GAMT: variants seen among roughly 807,000 people sequenced by gnomAD.
The protein encoded by GAMT is epididymis secretory protein Li 20.
GAMT carries 26 observed loss-of-function variants against 26.9 expected under a neutral mutation model. The observed-to-expected ratio is 0.97, with a 90% confidence interval of 0.71 to 1.34. GAMT has a LOEUF of 1.34. Among genes scored for constraint, GAMT ranks in the 40% most tolerant of loss-of-function variants. The probability of loss-of-function intolerance (pLI) is 0.00; values close to 1 mark genes in which losing one functional copy is unlikely to be tolerated. For missense variants in GAMT, 412 were observed against 345.0 expected (o/e 1.19, Z -1.54); for synonymous variants, 169 against 149.6 (o/e 1.13, Z -0.95).
Position 1,399,555 on chromosome 19 carries a change from C to T in GAMT, c.360G>A (p.Val120=), listed in dbSNP as rs776439107. 7 of 1,613,204 alleles carry T rather than the reference C, an allele frequency of 4.3e-6. No homozygotes were observed. Among genetic ancestry groups the T allele is most frequent in the Non-Finnish European group, 5.1e-6 (6 of 1,179,836 alleles). ...AGTGACCGTCAGGCAGGGTGGGTGC[C>T]ACATCCTCCCACAGGCCTTTCAAGG... The part of the protein sequence containing the change: ...VIPLKGLWED[V]APTLPDGHFD... The change falls in exon 3 of 6, where the codon GTG becomes GTA. Residue 120 remains valine, a synonymous_variant. Transcript: ENST00000252288. This position sits in a 1 kb window ranked among gnomAD's most constrained non-coding sequence, Gnocchi z 6.2.
Position 1,397,240 on chromosome 19 carries a change from G to T in GAMT, c.*119C>A. On this transcript the variant is annotated 3_prime_UTR_variant, in exon 6 of 6. Coordinates refer to ENST00000252288, the MANE Select transcript of GAMT (RefSeq NM_000156.6). The stretch of plus-strand genomic sequence containing the variant: ...GGCTGGTGGGACCCCTCACAGAGAA[G>T]CCGGGAAAGCTTCTGGTGACACACA... The T allele has an allele frequency of 1.6e-6, 2 of 1,255,548 alleles. No homozygotes were observed. The highest frequency in any genetic ancestry group is 2.2e-6 in the Non-Finnish European group (2 of 904,956). The allele number at this position is 1,255,548 out of a possible 1,614,324, so 77.8% of individuals were successfully genotyped here.
In GAMT at chr19:1,399,540, AGGCAGGGT is replaced by A. The variant is rs2082620753; in HGVS notation, c.367_374del (p.Thr123Ter). 1 of 1,613,088 alleles carries A rather than the reference AGGCAGGGT, an allele frequency of 6.2e-7. No individual in the cohort carries two copies. The highest frequency in any genetic ancestry group is 8.5e-7 in the Non-Finnish European group (1 of 1,179,810). Reference sequence around the variant, plus strand: ...ACCCCTCACCATCAAAGTGACCGTCAGGCAGGGTGGGTGCCACATCCTCCCACAGGCCT... The same window carrying A: ...ACCCCTCACCATCAAAGTGACCGTCAGGGTGCCACATCCTCCCACAGGCCT... On this transcript the variant is annotated frameshift_variant, in exon 3 of 6. Coordinates refer to ENST00000252288, the MANE Select transcript of GAMT (RefSeq NM_000156.6). LOFTEE classifies it high-confidence loss of function. This position sits in a 1 kb window ranked among gnomAD's most constrained non-coding sequence, Gnocchi z 6.2.
At position 1,401,343 on chromosome 19, in the gene GAMT, C is replaced by A. The variant is rs865951519; in HGVS notation, c.134G>T (p.Trp45Leu). The A allele has an allele frequency of 6.5e-7, 1 of 1,538,388 alleles. No homozygotes were observed. The highest frequency in any genetic ancestry group is 2.6e-5 in the East Asian group (1 of 38,412). Residue 45 changes from tryptophan to leucine, a missense_variant, in exon 1 of 6, where the codon TGG becomes TTG. By Grantham distance (61) the Trp-to-Leu change is moderately conservative. Coordinates refer to ENST00000252288, the MANE Select transcript of GAMT (RefSeq NM_000156.6). ...RILGKPVMER[W>L]ETPYMHALAA... Reference sequence around the variant, plus strand: ...CAGCGCGTGCATATAGGGGGTCTCCCAGCGCTCCATCACCGGCTTGCCCAG... The same window carrying A: ...CAGCGCGTGCATATAGGGGGTCTCCAAGCGCTCCATCACCGGCTTGCCCAG...
In GAMT at chr19:1,401,444, C is replaced by T. The variant is rs763777192; in HGVS notation, c.33G>A (p.Ala11=). The change falls in exon 1 of 6, where the codon GCG becomes GCA. Residue 11 remains alanine, a synonymous_variant. Transcript: ENST00000252288. MSAPSATPIF[A]PGENCSPAWG... ...ACGCGGGGCTGCAGTTCTCGCCGGG[C>T]GCGAAGATGGGGGTCGCGCTGGGGG... 30 of 1,407,144 alleles carry T rather than the reference C, an allele frequency of 2.1e-5. No homozygotes were observed. Among genetic ancestry groups the T allele is most frequent in the Non-Finnish European group, 2.7e-5 (29 of 1,080,182 alleles). 87.2% of individuals were successfully genotyped at this position (1,407,144 alleles called of 1,614,324 possible). A position where few individuals can be genotyped will look rare whatever the true frequency, so the allele number is the denominator to read the frequency against.
chr19:1,399,644 C>T lies in GAMT; in HGVS notation c.328-57G>A. On this transcript the variant is annotated intron_variant, in intron 2 of 5. Coordinates refer to ENST00000252288, the MANE Select transcript of GAMT (RefSeq NM_000156.6). This position sits in a 1 kb window ranked among gnomAD's most constrained non-coding sequence, Gnocchi z 6.2. ...GGGTAGAGAGGTCCCCAGGATCTCCCCACCTGCAGAAAGGGAGCGGCCAGG... is the reference window on the plus strand; with the variant it reads ...GGGTAGAGAGGTCCCCAGGATCTCCTCACCTGCAGAAAGGGAGCGGCCAGG... 6.4e-7 allele frequency: 1 copy of T among 1,571,696 alleles called. No homozygotes were observed. The highest frequency in any genetic ancestry group is 8.7e-7 in the Non-Finnish European group (1 of 1,154,386).
chr19:1,399,149 T>A lies in GAMT; in HGVS notation c.438A>T (p.Thr146=), dbSNP rs80338733. 1 of 1,613,748 alleles carries A rather than the reference T, an allele frequency of 6.2e-7. No homozygotes were observed. The highest frequency in any genetic ancestry group is 8.5e-7 in the Non-Finnish European group (1 of 1,179,994). Residue 146 remains threonine, a synonymous_variant, in exon 4 of 6, where the codon ACA becomes ACT. Coordinates refer to ENST00000252288, the MANE Select transcript of GAMT (RefSeq NM_000156.6). The surrounding 1 kb of genome is among the most constrained non-coding windows in gnomAD (Gnocchi z 6.2). ...TYPLSEETWH[T]HQFNFIKNHA... ...CCACCTTGATGAAGTTGAACTGGTG[T>A]GTGTGCCAGGTCTCCTCCGAGAGTG...
In GAMT at chr19:1,401,343, C is replaced by T; in HGVS notation, c.134G>A (p.Trp45Ter). 1.3e-6 allele frequency: 2 copies of T among 1,538,388 alleles called. No homozygotes were observed. The highest frequency in any genetic ancestry group is 8.7e-7 in the Non-Finnish European group (1 of 1,151,466). Residue 45 changes from tryptophan (W) to a stop codon, truncating the protein, a stop_gained, in exon 1 of 6, where the codon TGG (tryptophan) becomes TAG (stop). Coordinates refer to ENST00000252288, the MANE Select transcript of GAMT (RefSeq NM_000156.6). LOFTEE classifies it high-confidence loss of function. The part of the protein sequence containing the change: ...RILGKPVMER[W>*]ETPYMHALAA... ...CAGCGCGTGCATATAGGGGGTCTCCCAGCGCTCCATCACCGGCTTGCCCAG... is the reference window on the plus strand; with the variant it reads ...CAGCGCGTGCATATAGGGGGTCTCCTAGCGCTCCATCACCGGCTTGCCCAG...
chr19:1,401,538 G>C lies in GAMT; in HGVS notation c.-62C>G, dbSNP rs1162301870. ...GCCGCCCGGGCCCGCTCCCTGCAGG[G>C]GCTTGTGGGCCGGGGGCGGGTCCAA... is the stretch of plus-strand genomic sequence containing the variant. On this transcript the variant is annotated 5_prime_UTR_variant, in exon 1 of 6. Transcript: ENST00000252288. 8.7e-7 allele frequency: 1 copy of C among 1,144,458 alleles called. No homozygotes were observed. Among genetic ancestry groups the C allele is most frequent in the Non-Finnish European group, 1.1e-6 (1 of 909,210 alleles). The allele number at this position is 1,144,458 out of a possible 1,614,324, so 70.9% of individuals were successfully genotyped here.
rs891042971 is a variant in GAMT at position 1,398,966 on chromosome 19, A to G, written c.520T>C (p.Trp174Arg). 5.6e-6 allele frequency: 9 copies of G among 1,613,390 alleles called. No homozygotes were observed. Among genetic ancestry groups the G allele is most frequent in the Non-Finnish European group, 7.6e-6 (9 of 1,179,976 alleles). The change falls in exon 5 of 6, where the codon TGG becomes CGG. Residue 174 changes from tryptophan (W) to arginine (R), a missense_variant. By Grantham distance (101) the Trp-to-Arg change is moderately radical. Coordinates refer to ENST00000252288, the MANE Select transcript of GAMT (RefSeq NM_000156.6). ...GVLTYCNLTS[W>R]GELMKSKYSD... ...TACTTGGACTTCATCAGCTCCCCCC[A>G]GGAGGTGAGGTTGCAGTAGGTGAGG...
At position 1,398,319 on chromosome 19, in the gene GAMT, A is replaced by C. The variant is rs143353872; in HGVS notation, c.570+597T>G. The C allele has an allele frequency of 1.9e-3, 351 of 187,892 alleles. 1 individual carries two copies. The highest frequency in any genetic ancestry group is 4.5e-3 in the Middle Eastern group (2 of 448). The allele number at this position is 187,892 out of a possible 1,614,324, so 11.6% of individuals were successfully genotyped here. ...TGCCATGTTGGCCAGGCTAGGCTCA[A>C]ACTCCTGGGCTCAAGTGATCCACCC... On this transcript the variant is annotated intron_variant, in intron 5 of 5. Transcript: ENST00000252288.
rs538244028 is a variant in GAMT at position 1,399,537 on chromosome 19, G to A, written c.378C>T (p.Asp126=). 2.0e-5 allele frequency: 33 copies of A among 1,613,004 alleles called. No individual in the cohort carries two copies. Among genetic ancestry groups the A allele is most frequent in the Admixed American group, 6.7e-5 (4 of 59,950 alleles). Residue 126 remains aspartate, a synonymous_variant, in exon 3 of 6, where the codon GAC becomes GAT. Transcript: ENST00000252288. The surrounding 1 kb of genome is among the most constrained non-coding windows in gnomAD (Gnocchi z 6.2). ...CTCACCCCTCACCATCAAAGTGACC[G>A]TCAGGCAGGGTGGGTGCCACATCCT... ...LWEDVAPTLP[D]GHFDGILYDT...
intron 1 of GAMT, among the ~76,000 whole-genome samples, chr19:1,400,215 GCTGT>G (rs1248437050): frequency 7.0e-6 from 1 of 143,852 alleles, no homozygotes; most frequent in East Asian, 2.0e-4. Context: ...GGCTGGGGAG[GCTGT>G]CTGGAAGAGG....
At position 1,399,981 on chromosome 19, in the gene GAMT, C is replaced by T; in HGVS notation, c.182-43G>A. On this transcript the variant is annotated intron_variant, in intron 1 of 5. Transcript: ENST00000252288. This position sits in a 1 kb window ranked among gnomAD's most constrained non-coding sequence, Gnocchi z 6.2. ...GCCTGGCATCACTAGGTGGGGCGGG[C>T]TTAGGAGGCTGCCTGGAGGAGGGGC... 6.4e-7 allele frequency: 1 copy of T among 1,572,468 alleles called. No individual in the cohort carries two copies. The highest frequency in any genetic ancestry group is 1.2e-5 in the South Asian group (1 of 86,822).
In GAMT at chr19:1,397,486, G is replaced by A. The variant is rs1569003317; in HGVS notation, c.584C>T (p.Pro195Leu). 1.9e-6 allele frequency: 3 copies of A among 1,605,248 alleles called. No homozygotes were observed. Among genetic ancestry groups the A allele is most frequent in the East Asian group, 2.2e-5 (1 of 44,880 alleles). ...CCGGAAGCCGGCCTCCAGCAGCGCG[G>A]GCACCTGCGTCTCCTGGTCGGGGAT... The part of the protein sequence containing the change: ...ITIMFEETQV[P>L]ALLEAGFRRE... Residue 195 changes from proline (P) to leucine (L), a missense_variant, in exon 6 of 6, where the codon CCC becomes CTC. By Grantham distance (98) the Pro-to-Leu change is moderately conservative. Transcript: ENST00000252288.
In GAMT at chr19:1,399,402, C is replaced by A; in HGVS notation, c.391+122G>T. 9.2e-7 allele frequency: 1 copy of A among 1,085,218 alleles called. No individual in the cohort carries two copies. Among genetic ancestry groups the A allele is most frequent in the Non-Finnish European group, 1.4e-6 (1 of 731,354 alleles). The allele number at this position is 1,085,218 out of a possible 1,614,324, so 67.2% of individuals were successfully genotyped here. A position where few individuals can be genotyped will look rare whatever the true frequency, so the allele number is the denominator to read the frequency against. On this transcript the variant is annotated intron_variant, in intron 3 of 5. Coordinates refer to ENST00000252288, the MANE Select transcript of GAMT (RefSeq NM_000156.6). The surrounding 1 kb of genome is among the most constrained non-coding windows in gnomAD (Gnocchi z 6.2). ...CCCCGGTGCTCCGCCATCCCACAGC[C>A]AGGCCCACACCCACTTGGGCTCTGT...
intron 5 of GAMT, chr19:1,397,776 T>A (rs1214577130): frequency 1.5e-6 from 2 of 1,351,110 alleles, no homozygotes; most frequent in African/African-American, 2.9e-5. Context: ...ACCTTGCCAG[T>A]GTGGCGGGTG....
intron 1 of GAMT, 68 bp from the exon 2 acceptor site, chr19:1,400,006 CACAGG>C (rs1300662736): frequency 1.5e-5 from 23 of 1,539,412 alleles, no homozygotes; most frequent in Non-Finnish European, 1.4e-5. Flanking sequence ...GGAGGAGGGG[CACAGG>C]GCAGGGCAGG....
At chr19:1,397,641 C>T in intron 5 of GAMT, 142 bp from the exon 6 acceptor site, 3 of 1,423,648 alleles carry the variant, frequency 2.1e-6, no homozygotes, top group East Asian at 4.9e-5. Flanking sequence ...GGCAGGGCAG[C>T]CCTGGAAGCC....
chr19:1,397,459 C>A lies in GAMT; in HGVS notation c.611G>T (p.Arg204Met). The A allele has an allele frequency of 6.2e-7, 1 of 1,609,132 alleles. No homozygotes were observed. Residue 204 changes from arginine to methionine, a missense_variant, in exon 6 of 6, where the codon AGG (arginine) becomes ATG (methionine). Transcript: ENST00000252288. ...VPALLEAGFR[R>M]ENIRTEVMAL... is the part of the protein sequence containing the mutation. ...CATCACCTCCGTACGGATGTTCTCC[C>A]TCCGGAAGCCGGCCTCCAGCAGCGC...
Sources: allele counts gnomAD v4.1 joint callset (sites outside exome capture counted in the v4.1 genomes callset), GRCh38; gene constraint gnomAD v4.1.1; non-coding constraint Gnocchi (gnomAD v3.1); transcripts MANE v1.5; gene names NCBI Gene and HGNC (gene_info 2026-07-23, HGNC 2026-07-21).